Variants in TBC1D5 observed in about 807,000 individuals in gnomAD.
TBC1D5 encodes the protein TBC1 domain family, member 5.
Under a neutral mutation model 100.3 loss-of-function variants are expected in TBC1D5, and 75 were observed. The observed-to-expected ratio is 0.75, with a 90% CI of 0.62 to 0.91. The LOEUF is 0.91. TBC1D5 is among the 40% of genes least tolerant of loss of function. The pLI, the probability that TBC1D5 is intolerant of heterozygous loss-of-function variation, is 0.00. For missense variants in TBC1D5, 910 were observed against 942.4 expected (o/e 0.97, Z 0.45); for synonymous variants, 323 against 325.6 (o/e 0.99, Z 0.09).
intron 1 of TBC1D5, among the ~76,000 whole-genome samples, chr3:17,676,159 CTCAA>C (rs973166266): frequency 7.3e-5 from 11 of 151,014 alleles, no homozygotes; most frequent in African/African-American, 1.7e-4. Context: ...GTTTTTAAAA[CTCAA>C]TCAAACATTA....
intron 17 of TBC1D5, among the ~76,000 whole-genome samples, chr3:17,216,254 A>G (rs1229865183): frequency 6.6e-6 from 1 of 152,050 alleles, no homozygotes; most frequent in African/African-American, 2.4e-5. Context: ...AACTAACATC[A>G]TGCTCTTCTC....
At chr3:17,364,781 C>T (rs6801690) in intron 13 of TBC1D5, among the ~76,000 whole-genome samples, 74,783 of 151,900 alleles carry the variant, frequency 0.49, 19,880 homozygotes, top group African/African-American at 0.67. Flanking sequence ...TTATTCTTCT[C>T]ATTGCTGCTT....
chr3:17,409,196 T>A (rs977286035), intron 4 of TBC1D5, among the ~76,000 whole-genome samples: 1 of 152,168 alleles, frequency 6.6e-6, no homozygotes, highest in Admixed American at 6.6e-5. Flanking sequence ...ATGACTCTTG[T>A]GACATATTTT....
At chr3:17,229,222 G>C (rs910447469) in intron 17 of TBC1D5, among the ~76,000 whole-genome samples, 1 of 152,064 alleles carries the variant, frequency 6.6e-6, no homozygotes, top group African/African-American at 2.4e-5. Flanking sequence ...GGATAACCTT[G>C]ACTTTATATA....
chr3:17,630,042 A>C (rs896682737), intron 1 of TBC1D5, among the ~76,000 whole-genome samples: 1 of 152,230 alleles, frequency 6.6e-6, no homozygotes, highest in African/African-American at 2.4e-5. Context: ...CACCCTATTC[A>C]GCACAATACC....
chr3:17,501,668 T>G lies in TBC1D5; in HGVS notation c.97+6806A>C, dbSNP rs993689912. The stretch of plus-strand genomic sequence containing the variant: ...ATAGCAAATATCCTTATATTCTCAA[T>G]CCATCAATGAATTCTTCAACCATCA... On this transcript the variant is annotated intron_variant, in intron 3 of 21. Coordinates refer to ENST00000253692, the Ensembl canonical transcript of TBC1D5. Among the ~76,000 whole-genome samples the G allele has an allele frequency of 6.0e-5, 9 of 149,284 alleles. 1 individual carries two copies. The highest frequency in any genetic ancestry group is 1.8e-4 in the African/African-American group (7 of 39,184).
intron 1 of TBC1D5, among the ~76,000 whole-genome samples, chr3:17,697,886 T>C (rs1222159312): frequency 6.6e-6 from 1 of 151,650 alleles, no homozygotes. Context: ...CAAAACAGCA[T>C]GGTACTGGTT....
At chr3:17,204,668 G>C (rs938495451) in intron 18 of TBC1D5, among the ~76,000 whole-genome samples, 1 of 152,122 alleles carries the variant, frequency 6.6e-6, no homozygotes, top group African/African-American at 2.4e-5. Context: ...GCACTGTTCT[G>C]CAAAGGACAT....
At chr3:17,512,202 T>C (rs903740545) in intron 2 of TBC1D5, among the ~76,000 whole-genome samples, 1 of 152,070 alleles carries the variant, frequency 6.6e-6, no homozygotes, top group African/African-American at 2.4e-5. Flanking sequence ...GAGAAAATGA[T>C]TGATTACAAA....
chr3:17,227,790 C>G (rs1222498810), intron 17 of TBC1D5, among the ~76,000 whole-genome samples: 1 of 151,626 alleles, frequency 6.6e-6, no homozygotes, highest in Non-Finnish European at 1.5e-5. Context: ...TTAGCAAACC[C>G]CCATGCCACA....
intron 15 of TBC1D5, among the ~76,000 whole-genome samples, chr3:17,260,447 C>T (rs575838744): frequency 6.6e-6 from 1 of 152,132 alleles, no homozygotes; most frequent in African/African-American, 2.4e-5. Flanking sequence ...CTAACTTGAA[C>T]ATATAAATGA....
intron 21 of TBC1D5, among the ~76,000 whole-genome samples, chr3:17,162,946 A>G (rs2066217933): frequency 6.6e-6 from 1 of 152,210 alleles, no homozygotes; most frequent in Admixed American, 6.5e-5. Context: ...ACAGGGCTGG[A>G]ATGCTACTTG....
chr3:17,730,593 G>A (rs1560574787), intron 1 of TBC1D5, among the ~76,000 whole-genome samples: 1 of 152,158 alleles, frequency 6.6e-6, no homozygotes, highest in Non-Finnish European at 1.5e-5. Flanking sequence ...AACCCCCACT[G>A]AGCTGACACC....
intron 1 of TBC1D5, among the ~76,000 whole-genome samples, chr3:17,725,774 G>A (rs994046431): frequency 1.3e-5 from 2 of 152,116 alleles, no homozygotes; most frequent in Non-Finnish European, 2.9e-5. Flanking sequence ...TAAACTGCAT[G>A]TCACAGGGGT....
chr3:17,241,307 T>A (rs1313133127), intron 16 of TBC1D5, among the ~76,000 whole-genome samples: 1 of 152,188 alleles, frequency 6.6e-6, no homozygotes, highest in Non-Finnish European at 1.5e-5. Flanking sequence ...AAGTCATGCG[T>A]GCTAAATTAA....
chr3:17,373,026 AG>A (rs937970561), intron 12 of TBC1D5, among the ~76,000 whole-genome samples: 3 of 152,230 alleles, frequency 2.0e-5, no homozygotes, highest in African/African-American at 7.2e-5. Flanking sequence ...GTAAACAAAT[AG>A]GAATGACTGT....
intron 9 of TBC1D5, among the ~76,000 whole-genome samples, chr3:17,377,382 G>A (rs962484282): frequency 4.6e-5 from 7 of 152,114 alleles, no homozygotes; most frequent in African/African-American, 1.7e-4. Context: ...CATTATTGTG[G>A]TGACATACAG....
chr3:17,377,527 T>A (rs1575594107), intron 9 of TBC1D5, among the ~76,000 whole-genome samples: 1 of 152,070 alleles, frequency 6.6e-6, no homozygotes, highest in East Asian at 1.9e-4. Context: ...TTCCTTTTGC[T>A]TAGTAACTAG....
At chr3:17,521,965 T>C (rs1039899638) in intron 2 of TBC1D5, among the ~76,000 whole-genome samples, 2 of 152,096 alleles carry the variant, frequency 1.3e-5, no homozygotes, top group African/African-American at 4.8e-5. Flanking sequence ...GAAACTTCTA[T>C]TAACTTGGAT....
Sources: allele counts gnomAD v4.1 joint callset (sites outside exome capture counted in the v4.1 genomes callset), GRCh38; gene constraint gnomAD v4.1.1; transcripts MANE v1.5; gene names NCBI Gene and HGNC (gene_info 2026-07-23, HGNC 2026-07-21).